Variants in GRM7 observed in about 807,000 individuals in gnomAD.
GRM7 encodes the protein metabotropic glutamate receptor 7.
A neutral mutation model predicts 84.5 loss-of-function variants in GRM7; 35 were observed. The observed-to-expected ratio is 0.41, with a 90% confidence interval of 0.32 to 0.55. GRM7 has a LOEUF of 0.55. GRM7 is among the 20% of genes least tolerant of loss of function. The pLI, the probability that GRM7 is intolerant of heterozygous loss-of-function variation, is 0.19. For missense variants in GRM7, 1,003 were observed against 1,194.6 expected (o/e 0.84, Z 2.36); for synonymous variants, 487 against 455.1 (o/e 1.07, Z -0.89).
At chr3:7,258,147 A>G (rs1163180096) in intron 2 of GRM7, among the ~76,000 whole-genome samples, 1 of 152,156 alleles carries the variant, frequency 6.6e-6, no homozygotes, top group East Asian at 1.9e-4. Flanking sequence ...CCATCACACT[A>G]TAGTGTTTCT....
At chr3:7,481,313 A>G (rs781222257) in intron 7 of GRM7, among the ~76,000 whole-genome samples, 2 of 152,042 alleles carry the variant, frequency 1.3e-5, no homozygotes, top group South Asian at 2.1e-4. Context: ...CCTGTGCTCA[A>G]GTGGGCTCTT....
intron 1 of GRM7, among the ~76,000 whole-genome samples, chr3:7,066,324 A>C (rs1315476726): frequency 1.3e-5 from 2 of 151,982 alleles, no homozygotes; most frequent in African/African-American, 4.8e-5. Flanking sequence ...AACCTCACTA[A>C]GAAATGAAAC....
intron 5 of GRM7, among the ~76,000 whole-genome samples, chr3:7,418,217 G>A (rs890251752): frequency 6.6e-6 from 1 of 152,136 alleles, no homozygotes; most frequent in Non-Finnish European, 1.5e-5. Context: ...ATCCCAAGAT[G>A]TGACAATCTG....
intron 1 of GRM7, among the ~76,000 whole-genome samples, chr3:6,913,484 G>A (rs757542948): frequency 4.6e-5 from 7 of 152,094 alleles, no homozygotes; most frequent in Non-Finnish European, 8.8e-5. Flanking sequence ...CAAGAAATCC[G>A]TTATGTGAAA....
At chr3:6,966,477 C>T (rs1693524372) in intron 1 of GRM7, among the ~76,000 whole-genome samples, 1 of 152,180 alleles carries the variant, frequency 6.6e-6, no homozygotes, top group East Asian at 1.9e-4. Context: ...GCAATGAATA[C>T]ATATTCTTAG....
At chr3:7,209,115 C>T (rs995425084) in intron 2 of GRM7, among the ~76,000 whole-genome samples, 3 of 152,162 alleles carry the variant, frequency 2.0e-5, no homozygotes, top group Non-Finnish European at 4.4e-5. Context: ...ATCTGTTTTA[C>T]TCAAAGCCTA....
chr3:7,236,959 C>T (rs961543143), intron 2 of GRM7, among the ~76,000 whole-genome samples: 3 of 152,158 alleles, frequency 2.0e-5, no homozygotes, highest in South Asian at 2.1e-4. Context: ...TCTCAGCCAT[C>T]GTGCATACTG....
At chr3:7,538,025 G>A (rs567938345) in intron 7 of GRM7, among the ~76,000 whole-genome samples, 9 of 152,292 alleles carry the variant, frequency 5.9e-5, no homozygotes. Context: ...AATTTAACTG[G>A]TTTGAGCTTA....
At chr3:7,569,115 A>C (rs1039839328) in intron 7 of GRM7, among the ~76,000 whole-genome samples, 1 of 152,092 alleles carries the variant, frequency 6.6e-6, no homozygotes, top group Non-Finnish European at 1.5e-5. Flanking sequence ...TTGTAAATAC[A>C]CCTATCAGCA....
intron 1 of GRM7, among the ~76,000 whole-genome samples, chr3:7,061,055 AC>A (rs1697419196): frequency 6.6e-6 from 1 of 151,798 alleles, no homozygotes; most frequent in African/African-American, 2.4e-5. Flanking sequence ...TCATGTTAGT[AC>A]AGGCATTTTT....
At chr3:7,551,368 C>T (rs952920633) in intron 7 of GRM7, among the ~76,000 whole-genome samples, 10 of 151,978 alleles carry the variant, frequency 6.6e-5, no homozygotes, top group African/African-American at 1.9e-4. Context: ...TTTTTCACAC[C>T]CTGTGGGAAT....
chr3:7,461,468 G>T (rs1160510184), intron 6 of GRM7, 115 bp from the exon 7 acceptor site: 7 of 795,262 alleles, frequency 8.8e-6, no homozygotes, highest in Non-Finnish European at 1.2e-5. Context: ...TATTAAAGGG[G>T]ATATCTAGTA....
intron 8 of GRM7, among the ~76,000 whole-genome samples, chr3:7,613,453 TA>T (rs1385516385): frequency 6.6e-6 from 1 of 152,190 alleles, no homozygotes. Flanking sequence ...ACACTCTAAA[TA>T]TGTGGCATTA....
chr3:7,471,128 A>G (rs943548532), intron 7 of GRM7, among the ~76,000 whole-genome samples: 23 of 152,110 alleles, frequency 1.5e-4, no homozygotes, highest in Admixed American at 1.3e-3. Context: ...TTTGAAAATG[A>G]ATAGTGAAAA....
At chr3:7,261,418 A>G (rs75274722) in intron 2 of GRM7, among the ~76,000 whole-genome samples, 8,898 of 152,182 alleles carry the variant, frequency 0.058, 841 homozygotes, top group African/African-American at 0.2. Context: ...ATTGCAACCC[A>G]TGCTTTTTTC....
chr3:7,416,100 T>C (rs1696147270), intron 5 of GRM7, among the ~76,000 whole-genome samples: 1 of 152,054 alleles, frequency 6.6e-6, no homozygotes, highest in Non-Finnish European at 1.5e-5. Context: ...GTTTTTGTGT[T>C]TCTGAGGTTG....
At chr3:7,688,380 A>G (rs1700667059) in intron 9 of GRM7, among the ~76,000 whole-genome samples, 1 of 152,122 alleles carries the variant, frequency 6.6e-6, no homozygotes, top group Non-Finnish European at 1.5e-5. Flanking sequence ...TGTCAATATC[A>G]TAGGGCTTTT....
intron 4 of GRM7, among the ~76,000 whole-genome samples, chr3:7,315,107 A>G (rs960746471): frequency 3.0e-4 from 45 of 152,306 alleles, no homozygotes; most frequent in African/African-American, 1.1e-3. Flanking sequence ...AAACAAAACA[A>G]CAACAAAAAC....
At chr3:7,480,772 T>C (rs1009763279) in intron 7 of GRM7, among the ~76,000 whole-genome samples, 1 of 152,184 alleles carries the variant, frequency 6.6e-6, no homozygotes, top group Admixed American at 6.5e-5. Flanking sequence ...GGATACGTGT[T>C]GAAGTGGAAG....
Sources: gnomAD v4.1 joint callset for allele counts (sites outside exome capture counted in the v4.1 genomes callset) on GRCh38, gnomAD v4.1.1 for gene constraint, MANE v1.5 for transcripts, NCBI Gene and HGNC (gene_info 2026-07-23, HGNC 2026-07-21) for gene names.